The following KLC4 variants were observed in gnomAD, a reference collection of about 807,000 sequenced individuals.
KLC4 encodes the protein kinesin-like protein 8.
A neutral mutation model predicts 77.2 loss-of-function variants in KLC4; 49 were observed. The ratio of observed to expected loss-of-function variants is 0.63; its 90% CI spans 0.50 to 0.80. KLC4 has a LOEUF of 0.80. Ranked by LOEUF, KLC4 falls within the 30% of genes least tolerant of loss-of-function variation. The pLI, the probability that KLC4 is intolerant of heterozygous loss-of-function variation, is 0.00. For missense variants in KLC4, 669 were observed against 793.5 expected (o/e 0.84, Z 1.89); for synonymous variants, 274 against 314.5 (o/e 0.87, Z 1.36).
intron 6 of KLC4, among the ~76,000 whole-genome samples, chr6:43,069,323 T>C (rs11757495): frequency 0.63 from 95,306 of 152,028 alleles, 31,466 homozygotes; most frequent in African/African-American, 0.84. Flanking sequence ...GGGTTCACTG[T>C]AATCTCTGCC....
In KLC4 at chr6:43,073,328, C is replaced by A. The variant is rs768761968; in HGVS notation, c.1735C>A (p.Arg579=). The A allele has an allele frequency of 6.2e-7, 1 of 1,612,092 alleles. No homozygotes were observed. The highest frequency in any genetic ancestry group is 8.5e-7 in the Non-Finnish European group (1 of 1,178,494). Residue 579 remains arginine, a synonymous_variant, in exon 14 of 16, where the codon CGG becomes AGG. Transcript: ENST00000347162. ...LVRKLQGTEP[R]PSSSNMKRAA... ...GAGGAAGCTCCAGGGGACTGAGCCT[C>A]GGCCCTCCAGGTATACATGGAAGTC...
chr6:43,059,966 C>T, intron 1 of KLC4: 4 of 1,342,352 alleles, frequency 3.0e-6, no homozygotes, highest in East Asian at 3.2e-5. Context: ...TCCACACCTC[C>T]CCCCTGCCGC....
rs1765814768 is a variant in KLC4, at chr6:43,073,212, CTTTCTGCCAGG to C, written c.1630-10_1630del. 1 of 1,609,272 alleles carries C rather than the reference CTTTCTGCCAGG, an allele frequency of 6.2e-7. No individual in the cohort carries two copies. The highest frequency in any genetic ancestry group is 8.5e-7 in the Non-Finnish European group (1 of 1,175,824). ...TCCTTGTAGCTTTCATTGCTCACTCCTTTCTGCCAGGATGGCAGTGGGACCCTGCAGAGGAG... is the reference window on the plus strand; with the variant it reads ...TCCTTGTAGCTTTCATTGCTCACTCCATGGCAGTGGGACCCTGCAGAGGAG... On this transcript the variant is annotated splice_acceptor_variant and splice_polypyrimidine_tract_variant and coding_sequence_variant and intron_variant, in exon 14 of 16. Transcript: ENST00000347162. LOFTEE classifies it high-confidence loss of function.
intron 3 of KLC4, chr6:43,065,335 A>G (rs950516173): frequency 1.0e-5 from 3 of 299,786 alleles, no homozygotes; most frequent in African/African-American, 6.4e-5. Flanking sequence ...CGGCCTCCCA[A>G]AGTGCTGGGA....
intron 8 of KLC4, 139 bp downstream of exon 8, chr6:43,071,004 T>C: frequency 1.2e-6 from 1 of 818,070 alleles, no homozygotes; most frequent in Non-Finnish European, 1.9e-6. Context: ...TCATCAACTT[T>C]GTGCTCATGT....
At chr6:43,062,701 G>T (rs1209913720) in intron 2 of KLC4, 9 of 582,416 alleles carry the variant, frequency 1.5e-5, no homozygotes, top group African/African-American at 1.5e-4. Flanking sequence ...AATAATTTGG[G>T]TAGGAATTGA....
chr6:43,066,408 G>A lies in KLC4; in HGVS notation c.674G>A (p.Gly225Asp). The stretch of plus-strand genomic sequence containing the variant: ...CTGGTGATCCAGTACGCAGCCCAAG[G>A]TCGCTATGAGGTGGCCGTGCCACTC... ...HNLVIQYAAQ[G>D]RYEVAVPLCK... Residue 225 changes from glycine to aspartate, a missense_variant, in exon 5 of 16, where the codon GGT becomes GAT. Physicochemically the swap from Gly to Asp is moderately conservative, Grantham distance 94 (BLOSUM62 -1). Coordinates refer to ENST00000347162, the MANE Select transcript of KLC4 (RefSeq NM_201521.3). The A allele has an allele frequency of 6.2e-7, 1 of 1,614,234 alleles. No individual in the cohort carries two copies. Among genetic ancestry groups the A allele is most frequent in the Non-Finnish European group, 8.5e-7 (1 of 1,180,052 alleles).
In KLC4 at chr6:43,066,452, G is replaced by A; in HGVS notation, c.718G>A (p.Asp240Asn). The change falls in exon 5 of 16, where the codon GAC (aspartate) becomes AAC (asparagine). Residue 240 changes from aspartate (D) to asparagine (N), a missense_variant. Transcript: ENST00000347162. ...AVPLCKQALE[D>N]LERTSGRGHP... ...GCCACTCTGTAAGCAGGCACTAGAGGACCTGGAGCGCACATCAGGCCGTGG... is the reference window on the plus strand; with the variant it reads ...GCCACTCTGTAAGCAGGCACTAGAGAACCTGGAGCGCACATCAGGCCGTGG... 1 of 1,614,148 alleles carries A rather than the reference G, an allele frequency of 6.2e-7. No individual in the cohort carries two copies. Among genetic ancestry groups the A allele is most frequent in the Non-Finnish European group, 8.5e-7 (1 of 1,180,020 alleles).
Position 43,072,934 on chromosome 6 carries a change from A to C in KLC4, c.1599A>C (p.Glu533Asp). The C allele has an allele frequency of 6.2e-7, 1 of 1,609,824 alleles. No individual in the cohort carries two copies. The highest frequency in any genetic ancestry group is 2.2e-5 in the East Asian group (1 of 44,856). The change falls in exon 13 of 16, where the codon GAA (glutamate) becomes GAC (aspartate). Residue 533 changes from glutamate to aspartate, a missense_variant. Coordinates refer to ENST00000347162, the MANE Select transcript of KLC4 (RefSeq NM_201521.3). Reference sequence around the variant, plus strand: ...ACAGTGTGAAATTCGAGGGAGGTGAAGATGCTTCTGTGGCTGTGGAGTGGT... The same window carrying C: ...ACAGTGTGAAATTCGAGGGAGGTGACGATGCTTCTGTGGCTGTGGAGTGGT... ...PGDSVKFEGG[E>D]DASVAVEWSG...
chr6:43,070,459 C>T lies in KLC4; in HGVS notation c.981+4C>T. On this transcript the variant is annotated splice_donor_region_variant and intron_variant, in intron 7 of 15. Coordinates refer to ENST00000347162, the MANE Select transcript of KLC4 (RefSeq NM_201521.3). ...GGCACTGGAGATTCGAGAAAAGGTA[C>T]CCATGCCCTCTCTCCCTTCTTCTCT... 1 of 1,599,774 alleles carries T rather than the reference C, an allele frequency of 6.3e-7. No homozygotes were observed. Among genetic ancestry groups the T allele is most frequent in the Non-Finnish European group, 8.6e-7 (1 of 1,167,120 alleles).
intron 2 of KLC4, 122 bp downstream of exon 2, chr6:43,061,715 G>A (rs1323389193): frequency 2.0e-6 from 2 of 987,384 alleles, no homozygotes; most frequent in Non-Finnish European, 2.9e-6. Flanking sequence ...CATTAAATAT[G>A]TATTAAGTCC....
intron 2 of KLC4, 82 bp downstream of exon 2, chr6:43,061,675 A>G: frequency 2.2e-6 from 3 of 1,370,842 alleles, no homozygotes; most frequent in Non-Finnish European, 3.0e-6. Flanking sequence ...GCTGCTTGGG[A>G]TCACCTCACT....
chr6:43,073,423 G>A, intron 14 of KLC4, 85 bp downstream of exon 14: 2 of 912,528 alleles, frequency 2.2e-6, no homozygotes, highest in African/African-American at 1.6e-5. Context: ...GGCCGAGGCG[G>A]GTGGATCACC....
Position 43,070,866 on chromosome 6 carries a change from G to GT in KLC4, c.1155+2dup, listed in dbSNP as rs1765683888. 1 of 1,442,934 alleles carries GT rather than the reference G, an allele frequency of 6.9e-7. No homozygotes were observed. Among genetic ancestry groups the GT allele is most frequent in the East Asian group, 3.3e-5 (1 of 30,302 alleles). The allele number at this position is 1,442,934 out of a possible 1,614,324, so 89.4% of individuals were successfully genotyped here. A position where few individuals can be genotyped will look rare whatever the true frequency, so the allele number is the denominator to read the frequency against. On this transcript the variant is annotated splice_donor_variant, in intron 8 of 15. Coordinates refer to ENST00000347162, the MANE Select transcript of KLC4 (RefSeq NM_201521.3). LOFTEE classifies it high-confidence loss of function. The stretch of plus-strand genomic sequence containing the variant: ...TGTAGCCCGGACCAAGAACAACCTG[G>GT]TATGGGAGGAGGGACAAAGTAGGTG...
rs767282300 is a variant in KLC4 at position 43,071,619 on chromosome 6, A to G, written c.1308A>G (p.Lys436=). 1 of 1,613,282 alleles carries G rather than the reference A, an allele frequency of 6.2e-7. No individual in the cohort carries two copies. ...MHAEEREEMS[K]SRHHEGGTPY... ...CAGAGGAGCGGGAGGAAATGAGCAAAGTGAGTGGGGGGAAGGGGGGCCAGC... is the reference window on the plus strand; with the variant it reads ...CAGAGGAGCGGGAGGAAATGAGCAAGGTGAGTGGGGGGAAGGGGGGCCAGC... The change falls in exon 10 of 16, where the codon AAA becomes AAG. Residue 436 remains lysine, a splice_region_variant and synonymous_variant. Coordinates refer to ENST00000347162, the MANE Select transcript of KLC4 (RefSeq NM_201521.3).
intron 14 of KLC4, 39 bp downstream of exon 14, chr6:43,073,377 G>A (rs934703331): frequency 6.2e-6 from 9 of 1,461,364 alleles, no homozygotes; most frequent in African/African-American, 1.4e-5. Context: ...GTGGCCGGGT[G>A]CAGTGGCTCA....
chr6:43,073,294 A>ACT lies in KLC4; in HGVS notation c.1704_1705dup (p.Leu569SerfsTer3). On this transcript the variant is annotated frameshift_variant, in exon 14 of 16. Transcript: ENST00000347162. LOFTEE classifies it high-confidence loss of function. ...GGGATGTGCTCCGCAGAAGCAGTGAACTCTTGGTGAGGAAGCTCCAGGGGA... is the reference window on the plus strand; with the variant it reads ...GGGATGTGCTCCGCAGAAGCAGTGAACTCTCTTGGTGAGGAAGCTCCAGGGGA... 1 of 1,613,938 alleles carries ACT rather than the reference A, an allele frequency of 6.2e-7. No individual in the cohort carries two copies. The highest frequency in any genetic ancestry group is 8.5e-7 in the Non-Finnish European group (1 of 1,179,978).
intron 4 of KLC4, 151 bp from the exon 5 acceptor site, chr6:43,066,155 G>T: frequency 1.5e-6 from 1 of 680,206 alleles, no homozygotes; most frequent in South Asian, 1.7e-5. Context: ...TCAAGGGAGT[G>T]GATAAAAGAA....
chr6:43,070,933 G>GGCCC, intron 8 of KLC4, 68 bp downstream of exon 8: 1 of 360,516 alleles, frequency 2.8e-6, no homozygotes, highest in Non-Finnish European at 5.3e-6. Context: ...GGGAGGGGGG[G>GGCCC]CAGGCGGAGA....
Sources: allele counts gnomAD v4.1 joint callset (sites outside exome capture counted in the v4.1 genomes callset), GRCh38; gene constraint gnomAD v4.1.1; transcripts MANE v1.5; gene names NCBI Gene and HGNC (gene_info 2026-07-23, HGNC 2026-07-21).